FGF12: variants seen among roughly 807,000 people sequenced by gnomAD.
The protein encoded by FGF12 is fibroblast growth factor 12.
FGF12 carries 14 observed loss-of-function variants against 23.6 expected under a neutral mutation model. The ratio of observed to expected loss-of-function variants is 0.59; its 90% CI spans 0.39 to 0.93. The LOEUF is 0.93. FGF12 is among the 40% of genes least tolerant of loss of function. FGF12 has a pLI of 0.00. For missense variants in FGF12, 175 were observed against 217.8 expected (o/e 0.80, Z 1.24); for synonymous variants, 62 against 77.3 (o/e 0.80, Z 1.04).
intron 5 of FGF12, among the ~76,000 whole-genome samples, chr3:192,166,944 A>AT (rs201039874): frequency 3.4e-4 from 51 of 151,866 alleles, no homozygotes; most frequent in Middle Eastern, 6.8e-3. Flanking sequence ...TTTAGAATGC[A>AT]TTTTTTTTCC....
intron 2 of FGF12, chr3:192,407,976 G>A: frequency 6.5e-7 from 1 of 1,529,518 alleles, no homozygotes; most frequent in South Asian, 1.3e-5. Context: ...TGAGGAGGGA[G>A]AAAGAGGGCG....
intron 4 of FGF12, among the ~76,000 whole-genome samples, chr3:192,295,170 C>T (rs1714962438): frequency 6.6e-6 from 1 of 152,224 alleles, no homozygotes; most frequent in Admixed American, 6.5e-5. Context: ...CAAAAGCCGA[C>T]CTATCTAAGA....
rs561041123 is a variant in FGF12 at position 192,639,265 on chromosome 3, CT to C, written c.13+87915del. The stretch of plus-strand genomic sequence containing the variant: ...ACCACAATGAGATATCACCTCACAC[CT>C]ATGAGGATGGCTATTACCAAAGAGT... On this transcript the variant is annotated intron_variant, in intron 2 of 5. Coordinates refer to ENST00000445105, the MANE Select transcript of FGF12 (RefSeq NM_004113.6). Among the ~76,000 whole-genome samples, 1,285 of 152,278 alleles carry C rather than the reference CT, an allele frequency of 8.4e-3. 20 individuals carry two copies. The highest frequency in any genetic ancestry group is 0.03 in the African/African-American group (1,251 of 41,538).
chr3:192,489,723 T>G (rs1723743242), intron 2 of FGF12, among the ~76,000 whole-genome samples: 2 of 151,862 alleles, frequency 1.3e-5, no homozygotes. Flanking sequence ...ACAACTATCT[T>G]GAGACTAAAA....
intron 4 of FGF12, among the ~76,000 whole-genome samples, chr3:192,224,675 T>C (rs760744865): frequency 3.5e-4 from 54 of 152,154 alleles, no homozygotes; most frequent in Non-Finnish European, 5.6e-4. Context: ...TTCATTTTTA[T>C]AATGAGGATT....
chr3:192,640,663 A>T (rs190773376), intron 2 of FGF12, among the ~76,000 whole-genome samples: 96 of 152,344 alleles, frequency 6.3e-4, no homozygotes, highest in African/African-American at 2.2e-3. Context: ...AAATAAATAA[A>T]AATTTTGGTT....
intron 2 of FGF12, among the ~76,000 whole-genome samples, chr3:192,501,640 A>T (rs1344871231): frequency 6.6e-6 from 1 of 152,240 alleles, no homozygotes; most frequent in Non-Finnish European, 1.5e-5. Context: ...ATAGGAACTG[A>T]GCACACGCAC....
At chr3:192,484,156 A>T (rs775435347) in intron 2 of FGF12, among the ~76,000 whole-genome samples, 1 of 152,036 alleles carries the variant, frequency 6.6e-6, no homozygotes, top group Non-Finnish European at 1.5e-5. Flanking sequence ...AATCAAAGAG[A>T]AGGGCACTTT....
rs375023907 is a variant in FGF12 at position 192,451,043 on chromosome 3, T to C, written c.14-90505A>G. On this transcript the variant is annotated intron_variant, in intron 2 of 5. Transcript: ENST00000445105. ...CCTCATAGAATGATCTGTGCTTCTC[T>C]TATCATGATCTGTGCTCTACTTTGT... Among the ~76,000 whole-genome samples, 37 of 152,324 alleles carry C rather than the reference T, an allele frequency of 2.4e-4. No homozygotes were observed. The South Asian group carries it at 7.3e-3, about 30-fold the overall frequency.
intron 4 of FGF12, among the ~76,000 whole-genome samples, chr3:192,303,730 G>A (rs1715468364): frequency 6.6e-6 from 1 of 152,150 alleles, no homozygotes; most frequent in Non-Finnish European, 1.5e-5. Flanking sequence ...CTGCCCATGT[G>A]TTCTGAGGCA....
At position 192,356,812 on chromosome 3, in the gene FGF12, A is replaced by C. The variant is rs570175121; in HGVS notation, c.124+3616T>G. 1.1e-3 allele frequency among the ~76,000 whole-genome samples: 168 copies of C among 152,360 alleles called. 2 individuals are homozygous for C. Among genetic ancestry groups the C allele is most frequent in the African/African-American group, 3.8e-3 (156 of 41,584 alleles). On this transcript the variant is annotated intron_variant, in intron 3 of 5. Coordinates refer to ENST00000445105, the MANE Select transcript of FGF12 (RefSeq NM_004113.6). ...CCTACACACACAAAGTAGAGAAAGAAAAGACATTTTAACAACTTAGAGGTT... is the reference window on the plus strand; with the variant it reads ...CCTACACACACAAAGTAGAGAAAGACAAGACATTTTAACAACTTAGAGGTT...
intron 2 of FGF12, among the ~76,000 whole-genome samples, chr3:192,390,898 A>C (rs1047444926): frequency 6.6e-6 from 1 of 152,214 alleles, no homozygotes; most frequent in Non-Finnish European, 1.5e-5. Context: ...GACACAAAGC[A>C]GATTGGGTTC....
At chr3:192,523,577 C>G (rs1003731751) in intron 2 of FGF12, among the ~76,000 whole-genome samples, 5 of 152,096 alleles carry the variant, frequency 3.3e-5, no homozygotes, top group Non-Finnish European at 7.4e-5. Context: ...AATAAAGATT[C>G]ACCCAACCTC....
At chr3:192,669,003 A>C in intron 2 of FGF12, among the ~76,000 whole-genome samples, 1 of 152,242 alleles carries the variant, frequency 6.6e-6, no homozygotes, top group East Asian at 1.9e-4. Flanking sequence ...TGAAACACAA[A>C]TAAATATGCT....
intron 2 of FGF12, among the ~76,000 whole-genome samples, chr3:192,693,883 C>A (rs1254891226): frequency 6.6e-6 from 1 of 151,408 alleles, no homozygotes; most frequent in Non-Finnish European, 1.5e-5. Context: ...GCATGGGCAA[C>A]AAAAGAAAAA....
intron 4 of FGF12, among the ~76,000 whole-genome samples, chr3:192,288,403 C>T (rs773670797): frequency 1.8e-4 from 28 of 151,906 alleles, no homozygotes; most frequent in South Asian, 2.1e-4. Flanking sequence ...TCTATTCTCC[C>T]GAAGGATTCA....
intron 2 of FGF12, among the ~76,000 whole-genome samples, chr3:192,635,587 T>A (rs780003361): frequency 4.6e-5 from 7 of 152,244 alleles, no homozygotes; most frequent in Admixed American, 2.0e-4. Context: ...TTTATAATGC[T>A]TATGACTTGG....
At chr3:192,304,135 T>A (rs1164477581) in intron 4 of FGF12, among the ~76,000 whole-genome samples, 1 of 152,166 alleles carries the variant, frequency 6.6e-6, no homozygotes, top group Non-Finnish European at 1.5e-5. Context: ...GTTGCTAAAT[T>A]GGAGACAGTT....
chr3:192,142,501 TTTTC>T lies in FGF12; in HGVS notation c.*1504_*1507del, dbSNP rs1713454505. 1.3e-5 allele frequency: 2 copies of T among 152,550 alleles called. No individual in the cohort carries two copies. The highest frequency in any genetic ancestry group is 6.5e-5 in the Admixed American group (1 of 15,272). 9.4% of individuals were successfully genotyped at this position (152,550 alleles called of 1,614,324 possible). ...TTTTAACATTCTGTTTTGTGTTTTTTTTTCTTTAAATTTGGATGTCTCTACACCA... is the reference window on the plus strand; with the variant it reads ...TTTTAACATTCTGTTTTGTGTTTTTTTTTAAATTTGGATGTCTCTACACCA... On this transcript the variant is annotated 3_prime_UTR_variant, in exon 6 of 6. Coordinates refer to ENST00000445105, the MANE Select transcript of FGF12 (RefSeq NM_004113.6).
Sources: allele counts gnomAD v4.1 joint callset (sites outside exome capture counted in the v4.1 genomes callset), GRCh38; gene constraint gnomAD v4.1.1; transcripts MANE v1.5; gene names NCBI Gene and HGNC (gene_info 2026-07-23, HGNC 2026-07-21).